Variants in PIK3CB observed in about 807,000 individuals in gnomAD.
PIK3CB encodes phosphatidylinositol 4,5-bisphosphate 3-kinase catalytic subunit beta isoform.
PIK3CB carries 39 observed loss-of-function variants against 136.8 expected under a neutral mutation model. The ratio of observed to expected loss-of-function variants is 0.29; its 90% CI spans 0.22 to 0.37. The LOEUF is 0.37. Among genes scored for constraint, PIK3CB ranks in the 10% least tolerant of loss-of-function variants. The pLI is 1.00. For missense variants in PIK3CB, 868 were observed against 1,275.4 expected (o/e 0.68, Z 4.87); for synonymous variants, 428 against 436.6 (o/e 0.98, Z 0.25).
chr3:138,828,018 C>T (rs945480927), intron 1 of PIK3CB, among the ~76,000 whole-genome samples: 6 of 151,516 alleles, frequency 4.0e-5, no homozygotes, highest in African/African-American at 1.5e-4. Flanking sequence ...AAAAAAGGTA[C>T]CTGATAGAAT....
intron 4 of PIK3CB, among the ~76,000 whole-genome samples, chr3:138,749,264 C>T (rs1400685903): frequency 2.0e-5 from 3 of 152,174 alleles, no homozygotes; most frequent in Non-Finnish European, 4.4e-5. Flanking sequence ...TAATCTGCTA[C>T]AAATCATGTT....
At chr3:138,799,709 G>T (rs1323764199) in intron 1 of PIK3CB, among the ~76,000 whole-genome samples, 1 of 151,666 alleles carries the variant, frequency 6.6e-6, no homozygotes, top group African/African-American at 2.4e-5. Context: ...ACAGGTTCTT[G>T]CTCTGTCACC....
chr3:138,832,829 T>TAA (rs1934096019), intron 1 of PIK3CB, among the ~76,000 whole-genome samples: 1 of 34,306 alleles, frequency 2.9e-5, no homozygotes, highest in African/African-American at 1.3e-4. Context: ...AAACTCCGTC[T>TAA]CAAAAAAAAA....
At chr3:138,796,805 T>A (rs1057350517) in intron 1 of PIK3CB, 1 of 152,162 alleles carries the variant, frequency 6.6e-6, no homozygotes, top group Non-Finnish European at 1.5e-5. Flanking sequence ...GACAACATAA[T>A]TTGCAGAGCA....
chr3:138,744,458 C>T (rs2108678019), intron 4 of PIK3CB, among the ~76,000 whole-genome samples: 1 of 127,260 alleles, frequency 7.9e-6, no homozygotes, highest in African/African-American at 2.9e-5. Context: ...CATAACTCAT[C>T]ATCTTCACAC....
chr3:138,787,942 A>G (rs1168098006), intron 2 of PIK3CB, among the ~76,000 whole-genome samples: 1 of 118,698 alleles, frequency 8.4e-6, no homozygotes, highest in Non-Finnish European at 1.7e-5. Flanking sequence ...TTTTTTTTTG[A>G]GACATGATCT....
intron 18 of PIK3CB, among the ~76,000 whole-genome samples, chr3:138,683,253 C>T (rs890822115): frequency 2.0e-5 from 3 of 150,018 alleles, no homozygotes; most frequent in African/African-American, 7.4e-5. Context: ...ACTCTGGGGG[C>T]TGAGGTAGGA....
chr3:138,756,206 G>GA (rs2045564514), intron 3 of PIK3CB, among the ~76,000 whole-genome samples: 1 of 151,990 alleles, frequency 6.6e-6, no homozygotes, highest in African/African-American at 2.4e-5. Flanking sequence ...TTCTGAAATG[G>GA]AAAACCATAC....
intron 14 of PIK3CB, among the ~76,000 whole-genome samples, chr3:138,693,966 T>TATATATATATATATATATATA (rs1457395869): frequency 4.7e-5 from 2 of 42,406 alleles, no homozygotes; most frequent in Non-Finnish European, 7.2e-5. Context: ...TATATATATA[T>TATATATATATATATATATATA]TATATATATA....
At chr3:138,826,107 G>A (rs544000081) in intron 1 of PIK3CB, 2 of 1,038,618 alleles carry the variant, frequency 1.9e-6, no homozygotes, top group Admixed American at 2.0e-5. Context: ...GAAGCTGGAA[G>A]ATGGCCCTAA....
At chr3:138,696,119 G>A (rs1577085257) in intron 13 of PIK3CB, among the ~76,000 whole-genome samples, 1 of 150,716 alleles carries the variant, frequency 6.6e-6, no homozygotes, top group African/African-American at 2.4e-5. Context: ...TCACCTACGT[G>A]AATAAATTAC....
chr3:138,665,421 C>T (rs2043387222), intron 19 of PIK3CB, among the ~76,000 whole-genome samples: 1 of 152,182 alleles, frequency 6.6e-6, no homozygotes, highest in South Asian at 2.1e-4. Flanking sequence ...GTGCCAATTA[C>T]ATATAAAATT....
At chr3:138,769,796 T>C (rs1338155260) in intron 2 of PIK3CB, among the ~76,000 whole-genome samples, 7 of 152,228 alleles carry the variant, frequency 4.6e-5, no homozygotes. Flanking sequence ...TCTTATTTTA[T>C]AGGACTACAC....
chr3:138,676,485 A>G (rs1686740004), intron 19 of PIK3CB, among the ~76,000 whole-genome samples: 1 of 152,264 alleles, frequency 6.6e-6, no homozygotes, highest in South Asian at 2.1e-4. Flanking sequence ...AAAAGAATTT[A>G]AAACACAGAT....
At chr3:138,739,794 C>T (rs1296808200) in intron 5 of PIK3CB, among the ~76,000 whole-genome samples, 4 of 147,636 alleles carry the variant, frequency 2.7e-5, no homozygotes, top group African/African-American at 5.0e-5. Context: ...CCCAGCTACT[C>T]GGGAGGCTGA....
At chr3:138,683,187 T>C (rs1487858976) in intron 18 of PIK3CB, among the ~76,000 whole-genome samples, 1 of 151,848 alleles carries the variant, frequency 6.6e-6, no homozygotes, top group Non-Finnish European at 1.5e-5. Flanking sequence ...ACCCCATCTT[T>C]ACAAAAAATA....
chr3:138,728,576 G>C (rs937725234), intron 8 of PIK3CB, among the ~76,000 whole-genome samples: 1 of 151,984 alleles, frequency 6.6e-6, no homozygotes, highest in Non-Finnish European at 1.5e-5. Context: ...AGGAGATCGA[G>C]ACCATCCTGG....
At chr3:138,736,434 AAAC>A (rs761096950) in intron 6 of PIK3CB, among the ~76,000 whole-genome samples, 5 of 152,240 alleles carry the variant, frequency 3.3e-5, no homozygotes, top group Non-Finnish European at 7.3e-5. Flanking sequence ...CCTCTTGTTT[AAAC>A]AACAACAACA....
chr3:138,755,671 G>A, intron 4 of PIK3CB, 83 bp downstream of exon 4: 1 of 651,164 alleles, frequency 1.5e-6, no homozygotes, highest in South Asian at 2.2e-5. Flanking sequence ...ACTTTGAAAA[G>A]CAATGTCTTA....
Sources: gnomAD v4.1 joint callset for allele counts (sites outside exome capture counted in the v4.1 genomes callset) on GRCh38, gnomAD v4.1.1 for gene constraint, MANE v1.5 for transcripts, NCBI Gene and HGNC (gene_info 2026-07-23, HGNC 2026-07-21) for gene names.